Variants in ARHGAP18 observed in about 807,000 individuals in gnomAD.
The protein encoded by ARHGAP18 is rho GTPase-activating protein 18.
A neutral mutation model predicts 86.2 loss-of-function variants in ARHGAP18; 67 were observed. The ratio of observed to expected loss-of-function variants is 0.78; its 90% CI spans 0.64 to 0.95. The LOEUF (loss-of-function observed/expected upper bound fraction) is 0.95. ARHGAP18 is among the 40% of genes least tolerant of loss of function. The pLI is 0.00. For synonymous variants in ARHGAP18, 283 were observed against 280.4 expected (o/e 1.01, Z -0.09); for missense variants, 691 against 780.4 (o/e 0.89, Z 1.37).
chr6:129,705,679 T>C (rs1164088073), intron 1 of ARHGAP18, among the ~76,000 whole-genome samples: 2 of 152,244 alleles, frequency 1.3e-5, no homozygotes, highest in Non-Finnish European at 2.9e-5. Context: ...TTCTATATCC[T>C]GCAAAACTCA....
rs752390148 is a variant in ARHGAP18, at chr6:129,634,072, T to A, written c.586A>T (p.Thr196Ser). The A allele has an allele frequency of 1.2e-6, 2 of 1,613,202 alleles. No homozygotes were observed. Among genetic ancestry groups the A allele is most frequent in the East Asian group, 2.2e-5 (1 of 44,850 alleles). The change falls in exon 4 of 15, where the codon ACA becomes TCA. Residue 196 changes from threonine to serine, a missense_variant. Physicochemically the swap from Thr to Ser is moderately conservative, Grantham distance 58 (BLOSUM62 1). Transcript: ENST00000368149. ...PGGTESQSLR[T>S]NENKYQGRDD... The stretch of plus-strand genomic sequence containing the variant: ...CTTCCTTGGTATTTGTTTTCATTTG[T>A]TCTAAGTGACTGCGATTCAGTGCCA...
In ARHGAP18 at chr6:129,710,081, C is replaced by T. The variant is rs1430671152; in HGVS notation, c.56G>A (p.Gly19Asp). The T allele has an allele frequency of 2.5e-6, 4 of 1,614,032 alleles. No homozygotes were observed. Among genetic ancestry groups the T allele is most frequent in the Non-Finnish European group, 3.4e-6 (4 of 1,179,998 alleles). ...GCTGTTCCCGACGGTCTGGTCCTTG[C>T]CGCTGGGGTGGTAGGCTGTTAGTAC... ...GVVLTAYHPS[G>D]KDQTVGNSHA... The change falls in exon 1 of 15, where the codon GGC becomes GAC. Residue 19 changes from glycine to aspartate, a missense_variant. Gly to Asp is a moderately conservative substitution (Grantham distance 94). Transcript: ENST00000368149.
chr6:129,649,135 C>T (rs1562710198), intron 1 of ARHGAP18, among the ~76,000 whole-genome samples: 1 of 152,180 alleles, frequency 6.6e-6, no homozygotes. Flanking sequence ...GACTCAAATG[C>T]TATAGTCTTA....
intron 1 of ARHGAP18, among the ~76,000 whole-genome samples, chr6:129,658,657 T>A (rs1773889755): frequency 6.6e-6 from 1 of 152,234 alleles, no homozygotes; most frequent in South Asian, 2.1e-4. Flanking sequence ...TATTTTGAGT[T>A]TTCTATTTAT....
At chr6:129,682,073 T>G (rs926251660) in intron 1 of ARHGAP18, among the ~76,000 whole-genome samples, 4 of 152,236 alleles carry the variant, frequency 2.6e-5, no homozygotes, top group African/African-American at 9.6e-5. Context: ...GGTTTTTACA[T>G]ACAATTATTT....
chr6:129,701,925 G>T (rs1366393409), intron 1 of ARHGAP18, among the ~76,000 whole-genome samples: 1 of 152,178 alleles, frequency 6.6e-6, no homozygotes, highest in Non-Finnish European at 1.5e-5. Context: ...AAAGCCAGTG[G>T]GTAGAAAAGA....
chr6:129,584,729 A>T (rs1297324528), intron 12 of ARHGAP18, among the ~76,000 whole-genome samples: 2 of 152,204 alleles, frequency 1.3e-5, no homozygotes, highest in African/African-American at 4.8e-5. Context: ...GGTTTGTAAT[A>T]CCAAAATGTC....
intron 1 of ARHGAP18, among the ~76,000 whole-genome samples, chr6:129,696,468 T>C (rs1774618888): frequency 6.6e-6 from 1 of 152,204 alleles, no homozygotes; most frequent in Admixed American, 6.5e-5. Context: ...TTTTTGAGAA[T>C]CAAGCATAAT....
intron 1 of ARHGAP18, among the ~76,000 whole-genome samples, chr6:129,660,601 C>CA (rs1331534837): frequency 6.6e-6 from 1 of 152,136 alleles, no homozygotes; most frequent in Admixed American, 6.5e-5. Context: ...CTCCACGGAC[C>CA]AGCGGCACCA....
chr6:129,680,225 C>T (rs1291665468), intron 1 of ARHGAP18, among the ~76,000 whole-genome samples: 1 of 152,036 alleles, frequency 6.6e-6, no homozygotes, highest in African/African-American at 2.4e-5. Flanking sequence ...ACAATCATAC[C>T]TACACAGAAA....
Position 129,670,118 on chromosome 6 carries a change from C to G in ARHGAP18, c.114-28100G>C, listed in dbSNP as rs143760869. Among the ~76,000 whole-genome samples the G allele has an allele frequency of 7.8e-3, 1,192 of 152,278 alleles. 47 individuals carry two copies. The highest frequency in any genetic ancestry group is 0.063 in the Admixed American group (956 of 15,288). The stretch of plus-strand genomic sequence containing the variant: ...CTACTTTGCTGGACTGAAATAAAGA[C>G]AGTTTTTATTAAAATTCCCCTTAAA... On this transcript the variant is annotated intron_variant, in intron 1 of 14. Transcript: ENST00000368149.
chr6:129,661,761 T>G (rs770840184), intron 1 of ARHGAP18: 53 of 559,712 alleles, frequency 9.5e-5, no homozygotes, highest in Non-Finnish European at 1.2e-4. Context: ...AACTCTCCCT[T>G]GACAACACCA....
Position 129,638,758 on chromosome 6 carries a change from A to T in ARHGAP18, c.317-129T>A, listed in dbSNP as rs548424604. On this transcript the variant is annotated intron_variant, in intron 2 of 14. Coordinates refer to ENST00000368149, the MANE Select transcript of ARHGAP18 (RefSeq NM_033515.3). ...ACCACAGTGCTAAGAATCATTATCTAAAACTTGGACAACTGCCATACACTC... is the reference window on the plus strand; with the variant it reads ...ACCACAGTGCTAAGAATCATTATCTTAAACTTGGACAACTGCCATACACTC... 4.7e-6 allele frequency: 4 copies of T among 842,962 alleles called. No individual in the cohort carries two copies. In the Admixed American group the frequency reaches 1.1e-4, roughly 24 times the overall value. 52.2% of individuals were successfully genotyped at this position (842,962 alleles called of 1,614,324 possible). A position where few individuals can be genotyped will look rare whatever the true frequency, so the allele number is the denominator to read the frequency against.
chr6:129,659,191 T>G (rs1014181084), intron 1 of ARHGAP18, among the ~76,000 whole-genome samples: 1 of 152,230 alleles, frequency 6.6e-6, no homozygotes, highest in Non-Finnish European at 1.5e-5. Context: ...AAGTGTTCAA[T>G]GACCACAGGT....
chr6:129,649,553 CAAAAAAA>C (rs35700328), intron 1 of ARHGAP18, among the ~76,000 whole-genome samples: 3 of 49,988 alleles, frequency 6.0e-5, no homozygotes, highest in African/African-American at 1.6e-4. Flanking sequence ...TCTCTGTCTC[CAAAAAAA>C]AAAAAAAAAA....
rs1788209655 is a variant in ARHGAP18 at position 129,577,807 on chromosome 6, T to G, written c.*706A>C. On this transcript the variant is annotated 3_prime_UTR_variant, in exon 15 of 15. Coordinates refer to ENST00000368149, the MANE Select transcript of ARHGAP18 (RefSeq NM_033515.3). ...CACATGGGTATATTTTATTTATTCT[T>G]AGTATATAAGTATTTAATGGTTCAG... The G allele has an allele frequency of 6.6e-6, 1 of 152,204 alleles. No individual in the cohort carries two copies. The highest frequency in any genetic ancestry group is 1.5e-5 in the Non-Finnish European group (1 of 68,040). The allele number at this position is 152,204 out of a possible 1,614,324, so 9.4% of individuals were successfully genotyped here.
chr6:129,621,753 G>GA (rs1302106911), intron 5 of ARHGAP18, among the ~76,000 whole-genome samples: 2 of 151,704 alleles, frequency 1.3e-5, no homozygotes, highest in African/African-American at 4.8e-5. Flanking sequence ...GGCAAGGTAA[G>GA]AAAAAAATGA....
At chr6:129,615,761 T>C (rs931105320) in intron 7 of ARHGAP18, among the ~76,000 whole-genome samples, 2 of 152,222 alleles carry the variant, frequency 1.3e-5, no homozygotes, top group African/African-American at 4.8e-5. Flanking sequence ...CTTAACAGTT[T>C]AGCAATCATT....
chr6:129,603,296 A>T (rs931127578), intron 10 of ARHGAP18, among the ~76,000 whole-genome samples: 2 of 152,120 alleles, frequency 1.3e-5, no homozygotes, highest in African/African-American at 4.8e-5. Flanking sequence ...TTCCGGTTCC[A>T]TCCAAGTTGT....
Sources: gnomAD v4.1 joint callset for allele counts (sites outside exome capture counted in the v4.1 genomes callset) on GRCh38, gnomAD v4.1.1 for gene constraint, MANE v1.5 for transcripts, NCBI Gene and HGNC (gene_info 2026-07-23, HGNC 2026-07-21) for gene names.